The following KCNH7 variants were observed in gnomAD, a reference collection of about 807,000 sequenced individuals.
KCNH7 encodes voltage-gated inwardly rectifying potassium channel KCNH7.
In KCNH7, 49 loss-of-function variants were observed where a neutral mutation model predicts 120.8. That is an observed-to-expected ratio of 0.41 (90% CI 0.32 to 0.51). The LOEUF is 0.51. KCNH7 is among the 20% of genes least tolerant of loss of function. The probability of loss-of-function intolerance (pLI) is 0.38; values close to 1 mark genes in which losing one functional copy is unlikely to be tolerated. For missense variants in KCNH7, 1,097 were observed against 1,446.6 expected, an observed-to-expected ratio of 0.76 and a Z score of 3.92; for synonymous variants, 547 against 516.1, an observed-to-expected ratio of 1.06 and a Z score of -0.81.
intron 5 of KCNH7, among the ~76,000 whole-genome samples, chr2:162,508,223 A>T (rs958808996): frequency 6.6e-6 from 1 of 151,374 alleles, no homozygotes; most frequent in African/African-American, 2.4e-5. Context: ...ATAAAATGTC[A>T]TACTCAAATT....
At chr2:162,757,652 G>C (rs963805214) in intron 2 of KCNH7, among the ~76,000 whole-genome samples, 2 of 151,822 alleles carry the variant, frequency 1.3e-5, no homozygotes, top group Non-Finnish European at 2.9e-5. Flanking sequence ...ATTTCTTCAG[G>C]TTCATAATCA....
At chr2:162,397,755 A>C (rs77935542) in intron 10 of KCNH7, among the ~76,000 whole-genome samples, 2,599 of 152,008 alleles carry the variant, frequency 0.017, 79 homozygotes, top group African/African-American at 0.06. Flanking sequence ...GCTTAGGTGC[A>C]TTGCCTCAAT....
At chr2:162,809,559 A>C (rs920219949) in intron 2 of KCNH7, among the ~76,000 whole-genome samples, 1 of 152,216 alleles carries the variant, frequency 6.6e-6, no homozygotes, top group Non-Finnish European at 1.5e-5. Flanking sequence ...TTAGTAAAAA[A>C]TAAATGTCAG....
At chr2:162,697,598 G>A (rs752291883) in intron 2 of KCNH7, among the ~76,000 whole-genome samples, 8 of 152,008 alleles carry the variant, frequency 5.3e-5, no homozygotes, top group Non-Finnish European at 7.4e-5. Flanking sequence ...GACTGGCAGA[G>A]GGCATGGAAA....
At chr2:162,688,428 G>A (rs934111569) in intron 2 of KCNH7, among the ~76,000 whole-genome samples, 1 of 152,028 alleles carries the variant, frequency 6.6e-6, no homozygotes, top group African/African-American at 2.4e-5. Context: ...CCAGTTGGGC[G>A]CTAAAGACTG....
chr2:162,676,030 G>A (rs1685519399), intron 2 of KCNH7, among the ~76,000 whole-genome samples: 1 of 151,382 alleles, frequency 6.6e-6, no homozygotes, highest in South Asian at 2.1e-4. Context: ...TGCTATCTGG[G>A]ACAGAGATGG....
intron 2 of KCNH7, among the ~76,000 whole-genome samples, chr2:162,572,784 A>C (rs1693528558): frequency 6.9e-6 from 1 of 144,744 alleles, no homozygotes; most frequent in African/African-American, 2.6e-5. Context: ...ATTCTCAGTA[A>C]ACTACCACAA....
intron 8 of KCNH7, among the ~76,000 whole-genome samples, chr2:162,426,300 T>A (rs1031474252): frequency 1.3e-5 from 2 of 151,838 alleles, no homozygotes; most frequent in Non-Finnish European, 2.9e-5. Flanking sequence ...CATAAAGACA[T>A]TAATCTTTTT....
At chr2:162,834,979 A>G (rs1316344779) in intron 2 of KCNH7, among the ~76,000 whole-genome samples, 1 of 152,158 alleles carries the variant, frequency 6.6e-6, no homozygotes, top group Non-Finnish European at 1.5e-5. Flanking sequence ...AATATTCAAT[A>G]GGAAAAAAAT....
chr2:162,646,591 C>T (rs549836974), intron 2 of KCNH7, among the ~76,000 whole-genome samples: 24 of 152,250 alleles, frequency 1.6e-4, no homozygotes, highest in African/African-American at 5.1e-4. Flanking sequence ...AAGCAGAAAG[C>T]GTCCTCTAAT....
intron 11 of KCNH7, among the ~76,000 whole-genome samples, chr2:162,395,059 C>T (rs1573909114): frequency 6.6e-6 from 1 of 151,654 alleles, no homozygotes; most frequent in East Asian, 1.9e-4. Context: ...ATTTTCTTTT[C>T]TATAGCTTAC....
rs534531650 is a variant in KCNH7 at position 162,649,370 on chromosome 2, C to T, written c.308-112290G>A. ...TAAATTGTTAGAGAATAAAAGTATG[C>T]CAAACATTTGAAAGTGATTTTTACT... On this transcript the variant is annotated intron_variant, in intron 2 of 15. Transcript: ENST00000332142. Among the ~76,000 whole-genome samples, 7 of 152,210 alleles carry T rather than the reference C, an allele frequency of 4.6e-5. No individual in the cohort carries two copies. The South Asian group carries it at 1.2e-3, about 27-fold the overall frequency.
intron 2 of KCNH7, among the ~76,000 whole-genome samples, chr2:162,687,217 C>T (rs1018556146): frequency 1.3e-5 from 2 of 152,038 alleles, no homozygotes; most frequent in African/African-American, 2.4e-5. Flanking sequence ...TGACGATTTG[C>T]GTTGCCATGT....
chr2:162,501,387 G>A (rs1241664989), intron 6 of KCNH7, among the ~76,000 whole-genome samples: 1 of 151,966 alleles, frequency 6.6e-6, no homozygotes, highest in Non-Finnish European at 1.5e-5. Context: ...CTCTCCAGTT[G>A]GGGTACTTTG....
At chr2:162,434,605 A>T (rs1270225968) in intron 8 of KCNH7, among the ~76,000 whole-genome samples, 3 of 151,986 alleles carry the variant, frequency 2.0e-5, no homozygotes, top group Non-Finnish European at 4.4e-5. Flanking sequence ...TTAACCAATC[A>T]CTTAGATCTT....
chr2:162,784,067 C>A (rs1015288491), intron 2 of KCNH7, among the ~76,000 whole-genome samples: 8 of 151,920 alleles, frequency 5.3e-5, no homozygotes, highest in African/African-American at 1.9e-4. Flanking sequence ...GCAGAACTCC[C>A]ATTTAGTCTG....
intron 2 of KCNH7, among the ~76,000 whole-genome samples, chr2:162,550,888 T>A (rs2105856941): frequency 9.7e-6 from 1 of 103,456 alleles, no homozygotes; most frequent in East Asian, 3.2e-4. Context: ...CTAGGCTAGA[T>A]AATAATAATA....
chr2:162,584,846 ATTT>A (rs34171829), intron 2 of KCNH7, among the ~76,000 whole-genome samples: 6 of 136,424 alleles, frequency 4.4e-5, no homozygotes, highest in Admixed American at 7.3e-5. Context: ...TCTCCTTTTA[ATTT>A]TTTTTTTTTT....
intron 2 of KCNH7, among the ~76,000 whole-genome samples, chr2:162,742,164 C>T (rs770336123): frequency 3.2e-4 from 49 of 152,106 alleles, no homozygotes; most frequent in Non-Finnish European, 4.1e-4. Flanking sequence ...AATGAAATAA[C>T]CCAGAAGTAG....
Sources: gnomAD v4.1 joint callset for allele counts (sites outside exome capture counted in the v4.1 genomes callset) on GRCh38, gnomAD v4.1.1 for gene constraint, MANE v1.5 for transcripts, NCBI Gene and HGNC (gene_info 2026-07-23, HGNC 2026-07-21) for gene names.